MIGA1: variants seen among roughly 807,000 people sequenced by gnomAD.
MIGA1 encodes the protein family with sequence similarity 73, member A.
MIGA1 carries 58 observed loss-of-function variants against 82.0 expected under a neutral mutation model. The ratio of observed to expected loss-of-function variants is 0.71; its 90% CI spans 0.57 to 0.88. The LOEUF (loss-of-function observed/expected upper bound fraction) is 0.88, where lower values mean the gene tolerates loss of function less well. MIGA1 is among the 40% of genes least tolerant of loss of function. The pLI is 0.00. For missense variants in MIGA1, 751 were observed against 749.1 expected (o/e 1.00, Z -0.03); for synonymous variants, 249 against 253.6 (o/e 0.98, Z 0.17).
At position 77,798,583 on chromosome 1, in the gene MIGA1, G is replaced by A. The variant is rs533157171; in HGVS notation, c.196-2748G>A. ...CCCCTATGATTCAATTATCTCCCAC[G>A]GGGGCCAACTCACAACACGTGGGAA... On this transcript the variant is annotated intron_variant, in intron 2 of 15. Coordinates refer to ENST00000370791, the MANE Select transcript of MIGA1 (RefSeq NM_198549.4). Among the ~76,000 whole-genome samples the A allele has an allele frequency of 2.1e-3, 317 of 152,132 alleles. 1 individual carries two copies. Among genetic ancestry groups the A allele is most frequent in the Non-Finnish European group, 3.6e-3 (244 of 68,012 alleles).
At chr1:77,797,900 T>C (rs1414162694) in intron 2 of MIGA1, among the ~76,000 whole-genome samples, 2 of 152,232 alleles carry the variant, frequency 1.3e-5, no homozygotes, top group South Asian at 4.1e-4. Flanking sequence ...GTGAATAGTT[T>C]TACTTCTTCC....
At chr1:77,855,073 A>G (rs1036671424) in intron 8 of MIGA1, among the ~76,000 whole-genome samples, 1 of 152,188 alleles carries the variant, frequency 6.6e-6, no homozygotes, top group Non-Finnish European at 1.5e-5. Flanking sequence ...ATTTTTGTAT[A>G]AGATGAGAGA....
chr1:77,860,142 TGGCAAGATTTTTA>T lies in MIGA1; in HGVS notation c.1275+17_1275+29del. On this transcript the variant is annotated intron_variant, in intron 11 of 15. Transcript: ENST00000370791. ...AGCACGAAAGGTAAACTTGTTCTGT[TGGCAAGATTTTTA>T]CCATTTACAAAAGTTGTTTTTACCC... is the stretch of plus-strand genomic sequence containing the variant. 1 of 1,572,180 alleles carries T rather than the reference TGGCAAGATTTTTA, an allele frequency of 6.4e-7. No individual in the cohort carries two copies. Among genetic ancestry groups the T allele is most frequent in the Non-Finnish European group, 8.7e-7 (1 of 1,149,206 alleles).
intron 2 of MIGA1, among the ~76,000 whole-genome samples, chr1:77,795,428 C>A (rs796477161): frequency 6.6e-6 from 1 of 151,394 alleles, no homozygotes; most frequent in Non-Finnish European, 1.5e-5. Context: ...ACTTACTGCT[C>A]GGCTCAAGCA....
At chr1:77,855,194 CAGT>C (rs755202977) in intron 8 of MIGA1, among the ~76,000 whole-genome samples, 41 of 152,276 alleles carry the variant, frequency 2.7e-4, no homozygotes, top group Admixed American at 1.2e-3. Flanking sequence ...TGTCAAAGAT[CAGT>C]TGGCTGAACT....
chr1:77,870,939 A>C (rs1471724382), intron 14 of MIGA1, among the ~76,000 whole-genome samples: 1 of 147,980 alleles, frequency 6.8e-6, no homozygotes, highest in South Asian at 2.1e-4. Context: ...AACGAAAACC[A>C]GTCAGGCGTG....
At chr1:77,806,479 G>C (rs548274278) in intron 4 of MIGA1, among the ~76,000 whole-genome samples, 1 of 152,328 alleles carries the variant, frequency 6.6e-6, no homozygotes, top group South Asian at 2.1e-4. Context: ...GGACAGAACT[G>C]GAGTTAGGAA....
intron 7 of MIGA1, among the ~76,000 whole-genome samples, chr1:77,838,352 T>A (rs944136261): frequency 7.3e-5 from 11 of 149,758 alleles, no homozygotes; most frequent in South Asian, 2.1e-4. Context: ...TTATTTATTA[T>A]TTATTTATTT....
intron 1 of MIGA1, among the ~76,000 whole-genome samples, chr1:77,781,062 A>G (rs1326287900): frequency 6.6e-6 from 1 of 151,266 alleles, no homozygotes; most frequent in Non-Finnish European, 1.5e-5. Context: ...GCCCGACATC[A>G]CTCCTGGCTA....
rs1682926362 is a variant in MIGA1 at position 77,802,515 on chromosome 1, T to C, written c.374-755T>C. ...CTTGTGCAGCATGGTGACTCGTTAC[T>C]ATAATTCCAGCACTTTGGGAGGCCA... On this transcript the variant is annotated intron_variant, in intron 3 of 15. Coordinates refer to ENST00000370791, the MANE Select transcript of MIGA1 (RefSeq NM_198549.4). Among the ~76,000 whole-genome samples, 3 of 152,216 alleles carry C rather than the reference T, an allele frequency of 2.0e-5. No individual in the cohort carries two copies. The South Asian group carries it at 6.2e-4, about 31-fold the overall frequency.
chr1:77,839,666 C>A (rs1220353704), intron 7 of MIGA1, among the ~76,000 whole-genome samples: 2 of 152,086 alleles, frequency 1.3e-5, no homozygotes, highest in African/African-American at 4.8e-5. Context: ...AGCCATTGCA[C>A]CCAGCTGCCT....
chr1:77,798,541 A>G (rs1682753158), intron 2 of MIGA1, among the ~76,000 whole-genome samples: 1 of 152,198 alleles, frequency 6.6e-6, no homozygotes, highest in Admixed American at 6.5e-5. Flanking sequence ...CTCTACCATG[A>G]GGACAGTAGG....
In MIGA1 at chr1:77,832,664, A is replaced by G. The variant is rs74984677; in HGVS notation, c.896-10643A>G. Among the ~76,000 whole-genome samples, 52 of 152,318 alleles carry G rather than the reference A, an allele frequency of 3.4e-4. 1 individual carries two copies. The East Asian group carries it at 9.0e-3, about 27-fold the overall frequency. On this transcript the variant is annotated intron_variant, in intron 7 of 15. Coordinates refer to ENST00000370791, the MANE Select transcript of MIGA1 (RefSeq NM_198549.4). ...AGTGGAGCCTGTTTAGGGAACTACA[A>G]GTTCTTTGATATGTTTTGGAAACAC...
intron 7 of MIGA1, among the ~76,000 whole-genome samples, chr1:77,840,570 G>A (rs2101883172): frequency 6.6e-6 from 1 of 152,116 alleles, no homozygotes; most frequent in South Asian, 2.1e-4. Context: ...ACTTTAGGAG[G>A]CGGAGGCGGA....
intron 7 of MIGA1, among the ~76,000 whole-genome samples, chr1:77,827,382 G>T (rs796401564): frequency 5.9e-5 from 9 of 152,274 alleles, no homozygotes; most frequent in African/African-American, 2.2e-4. Flanking sequence ...GCTGAGTGGG[G>T]AGGGTTGCTT....
intron 2 of MIGA1, among the ~76,000 whole-genome samples, chr1:77,791,442 A>G (rs560506361): frequency 4.9e-4 from 75 of 151,774 alleles, no homozygotes; most frequent in African/African-American, 1.8e-3. Context: ...TTAACCATTC[A>G]TTTACTGAGG....
chr1:77,862,156 A>G (rs1433204871), intron 12 of MIGA1: 3 of 127,936 alleles, frequency 2.3e-5, no homozygotes, highest in African/African-American at 9.6e-5. Flanking sequence ...ATATATAGAT[A>G]TAGATATTGG....
At chr1:77,797,852 G>A (rs973667853) in intron 2 of MIGA1, among the ~76,000 whole-genome samples, 2 of 152,028 alleles carry the variant, frequency 1.3e-5, no homozygotes, top group Non-Finnish European at 2.9e-5. Context: ...GAGCTTTTTT[G>A]TAGATTCTTT....
At chr1:77,847,548 G>T in intron 8 of MIGA1, 2 of 1,484,490 alleles carry the variant, frequency 1.3e-6, no homozygotes, top group South Asian at 1.1e-5. Context: ...GGGAGAGTTT[G>T]ATGATAAAGA....
Sources: gnomAD v4.1 joint callset for allele counts (sites outside exome capture counted in the v4.1 genomes callset) on GRCh38, gnomAD v4.1.1 for gene constraint, MANE v1.5 for transcripts, NCBI Gene and HGNC (gene_info 2026-07-23, HGNC 2026-07-21) for gene names.